The following VPS13A variants were observed in gnomAD, a reference collection of about 807,000 sequenced individuals.
The protein encoded by VPS13A is vacuolar protein sorting 13 homolog A, also known as intermembrane lipid transfer protein VPS13A.
In VPS13A, 264 loss-of-function variants were observed where a neutral mutation model predicts 390.9. The observed-to-expected ratio is 0.68, with a 90% CI of 0.61 to 0.75. The LOEUF is 0.75. Among genes scored for constraint, VPS13A ranks in the 30% least tolerant of loss-of-function variants. VPS13A has a pLI of 0.00. For synonymous variants in VPS13A, 1,231 were observed against 1,227.1 expected (o/e 1.00, Z -0.07); for missense variants, 3,409 against 3,733.9 (o/e 0.91, Z 2.27).
chr9:77,185,173 C>G (rs1244880391), intron 1 of VPS13A, among the ~76,000 whole-genome samples: 1 of 151,322 alleles, frequency 6.6e-6, no homozygotes, highest in Non-Finnish European at 1.5e-5. Flanking sequence ...GACAGAGTCT[C>G]GCTCTGTCGC....
At chr9:77,200,600 A>G (rs1825274369) in intron 2 of VPS13A, among the ~76,000 whole-genome samples, 1 of 152,120 alleles carries the variant, frequency 6.6e-6, no homozygotes, top group Admixed American at 6.6e-5. Flanking sequence ...GTGTCACCCC[A>G]GGCTGCAGTG....
intron 59 of VPS13A, among the ~76,000 whole-genome samples, chr9:77,364,950 A>G (rs990852060): frequency 1.3e-5 from 2 of 152,188 alleles, no homozygotes; most frequent in African/African-American, 4.8e-5. Context: ...TCATTTTTCA[A>G]CACATAGAAG....
rs138071673 is a variant in VPS13A, at chr9:77,229,271, G to A, written c.1595+1007G>A. On this transcript the variant is annotated intron_variant, in intron 17 of 71. Coordinates refer to ENST00000360280, the MANE Select transcript of VPS13A (RefSeq NM_033305.3). ...ATTTTTAGAATTTTTGTAGAGATGG[G>A]GTTTCACCATGTTGCCCAGGCTGGT... Among the ~76,000 whole-genome samples, 1,242 of 152,072 alleles carry A rather than the reference G, an allele frequency of 8.2e-3. 21 individuals are homozygous for A. The highest frequency in any genetic ancestry group is 0.029 in the African/African-American group (1,193 of 41,480).
chr9:77,298,474 G>C (rs1056715760), intron 33 of VPS13A, among the ~76,000 whole-genome samples: 2 of 152,136 alleles, frequency 1.3e-5, no homozygotes, highest in Non-Finnish European at 2.9e-5. Context: ...AAATGTATTT[G>C]AGGCAGCAGT....
At chr9:77,358,331 A>G in intron 56 of VPS13A, 26 bp from the exon 57 acceptor site, 1 of 1,535,184 alleles carries the variant, frequency 6.5e-7, no homozygotes, top group South Asian at 1.1e-5. Flanking sequence ...ACATATTAAT[A>G]TACTGATGTG....
chr9:77,207,212 A>ATT (rs1396822617), intron 5 of VPS13A, among the ~76,000 whole-genome samples: 439 of 28,862 alleles, frequency 0.015, 3 homozygotes, highest in Non-Finnish European at 0.025. Context: ...TTATTTAGAT[A>ATT]TTATATATAT....
At chr9:77,415,504 T>G (rs902097887) in intron 71 of VPS13A, among the ~76,000 whole-genome samples, 3 of 152,224 alleles carry the variant, frequency 2.0e-5, no homozygotes, top group African/African-American at 7.2e-5. Context: ...TTTTGTAATT[T>G]CAAATTATTT....
chr9:77,407,420 G>A, intron 70 of VPS13A, 113 bp from the exon 71 acceptor site: 1 of 815,734 alleles, frequency 1.2e-6, no homozygotes, highest in Non-Finnish European at 2.0e-6. Flanking sequence ...TAAGGTGCAT[G>A]ATTTGTATAA....
intron 22 of VPS13A, among the ~76,000 whole-genome samples, chr9:77,253,933 A>ATT (rs1825291159): frequency 6.0e-5 from 4 of 66,528 alleles, no homozygotes; most frequent in African/African-American, 1.7e-4. Flanking sequence ...ACCGGCCTTT[A>ATT]TTCTTTTTTT....
At chr9:77,290,055 T>A (rs750649928) in intron 31 of VPS13A, among the ~76,000 whole-genome samples, 68 of 152,316 alleles carry the variant, frequency 4.5e-4, no homozygotes, top group Non-Finnish European at 8.1e-4. Flanking sequence ...GTGCTGGGAT[T>A]ACAGGCGTGA....
intron 46 of VPS13A, among the ~76,000 whole-genome samples, chr9:77,336,772 A>G (rs1830557449): frequency 6.6e-6 from 1 of 151,580 alleles, no homozygotes; most frequent in African/African-American, 2.4e-5. Flanking sequence ...ATGAGCTTCC[A>G]GAAAGTTAAG....
chr9:77,269,290 T>G (rs1259395915), intron 23 of VPS13A, among the ~76,000 whole-genome samples: 1 of 152,236 alleles, frequency 6.6e-6, no homozygotes, highest in African/African-American at 2.4e-5. Flanking sequence ...ACATCTGCAC[T>G]TAGTTATTTC....
intron 1 of VPS13A, among the ~76,000 whole-genome samples, chr9:77,196,679 T>TG (rs953846016): frequency 3.3e-5 from 5 of 152,166 alleles, no homozygotes; most frequent in Admixed American, 1.3e-4. Flanking sequence ...TGTTTTGTTT[T>TG]TTTTTTTAAA....
chr9:77,268,466 C>T (rs1160927245), intron 23 of VPS13A, among the ~76,000 whole-genome samples: 1 of 152,144 alleles, frequency 6.6e-6, no homozygotes, highest in African/African-American at 2.4e-5. Context: ...AGCTCGCCCT[C>T]CGTTGGTTGC....
At chr9:77,345,199 C>T (rs918061621) in intron 52 of VPS13A, 57 bp downstream of exon 52, 1 of 1,568,570 alleles carries the variant, frequency 6.4e-7, no homozygotes, top group Non-Finnish European at 8.7e-7. Flanking sequence ...TGATGAGGCA[C>T]AGTTTTTTTT....
chr9:77,296,578 G>A (rs1408706903), intron 33 of VPS13A, among the ~76,000 whole-genome samples: 1 of 151,836 alleles, frequency 6.6e-6, no homozygotes, highest in Non-Finnish European at 1.5e-5. Flanking sequence ...CTTCCTATGA[G>A]TCTGTCTTTC....
rs764695072 is a variant in VPS13A, at chr9:77,356,806, A to G, written c.7745A>G (p.Lys2582Arg). The G allele has an allele frequency of 6.2e-7, 1 of 1,613,938 alleles. No homozygotes were observed. Among genetic ancestry groups the G allele is most frequent in the South Asian group, 1.1e-5 (1 of 91,058 alleles). Residue 2582 changes from lysine (K) to arginine (R), a missense_variant, in exon 55 of 72, where the codon AAG becomes AGG. Lys to Arg is a conservative substitution (Grantham distance 26). Around this residue, in one of 5 missense-constraint regions of VPS13A, gnomAD observed 221 missense variants for 300.7 expected, o/e 0.73. Coordinates refer to ENST00000360280, the MANE Select transcript of VPS13A (RefSeq NM_033305.3). Reference sequence around the variant, plus strand: ...ACTGAGAAGTTAGAGAGAGAATTTAAGGAATATACTGAATCTTCTCCTTCA... The same window carrying G: ...ACTGAGAAGTTAGAGAGAGAATTTAGGGAATATACTGAATCTTCTCCTTCA... ...KHTEKLEREF[K>R]EYTESSPSED... is the part of the protein sequence containing the mutation.
intron 31 of VPS13A, among the ~76,000 whole-genome samples, chr9:77,292,283 A>G (rs994416482): frequency 6.6e-6 from 1 of 152,018 alleles, no homozygotes; most frequent in Non-Finnish European, 1.5e-5. Context: ...TAGCTGAATT[A>G]TTCTTACCTA....
At chr9:77,387,984 G>C (rs546382562) in intron 68 of VPS13A, among the ~76,000 whole-genome samples, 1 of 152,212 alleles carries the variant, frequency 6.6e-6, no homozygotes, top group African/African-American at 2.4e-5. Context: ...CTTTTTTGTG[G>C]TGATGGGAGA....
Sources: gnomAD v4.1 joint callset for allele counts (sites outside exome capture counted in the v4.1 genomes callset) on GRCh38, gnomAD v4.1.1 for gene constraint, gnomAD v4.1.1 regional missense constraint, MANE v1.5 for transcripts, NCBI Gene and HGNC (gene_info 2026-07-23, HGNC 2026-07-21) for gene names.